The following TMTC2 variants were observed in gnomAD, a reference collection of about 807,000 sequenced individuals.
The protein encoded by TMTC2 is transmembrane O-mannosyltransferase targeting cadherins 2.
Under a neutral mutation model 82.4 loss-of-function variants are expected in TMTC2, and 43 were observed. That is an observed-to-expected ratio of 0.52 (90% CI 0.41 to 0.67). The LOEUF (loss-of-function observed/expected upper bound fraction) is 0.67, where lower values mean the gene tolerates loss of function less well. Ranked by LOEUF, TMTC2 falls within the 30% of genes least tolerant of loss-of-function variation. TMTC2 has a pLI of 0.00. For missense variants in TMTC2, 919 were observed against 1,012.4 expected (o/e 0.91, Z 1.25); for synonymous variants, 408 against 381.9 (o/e 1.07, Z -0.80).
intron 2 of TMTC2, among the ~76,000 whole-genome samples, chr12:82,895,199 C>G (rs1011347563): frequency 1.3e-5 from 2 of 151,976 alleles, no homozygotes; most frequent in Admixed American, 1.3e-4. Flanking sequence ...TTGGATGCCA[C>G]TGATATCAGT....
chr12:83,060,228 A>T (rs773515465), intron 10 of TMTC2, among the ~76,000 whole-genome samples: 10 of 151,786 alleles, frequency 6.6e-5, no homozygotes, highest in Non-Finnish European at 1.3e-4. Flanking sequence ...AACCTCTATT[A>T]AAAATAGCAG....
intron 9 of TMTC2, among the ~76,000 whole-genome samples, chr12:83,043,666 C>T (rs1425254246): frequency 6.6e-6 from 1 of 152,188 alleles, no homozygotes; most frequent in Non-Finnish European, 1.5e-5. Flanking sequence ...GAAACTATCT[C>T]TGTAATCTCC....
chr12:82,804,339 A>C (rs1293538858), intron 1 of TMTC2, among the ~76,000 whole-genome samples: 1 of 152,124 alleles, frequency 6.6e-6, no homozygotes, highest in Non-Finnish European at 1.5e-5. Context: ...AGTGTTCAGA[A>C]AGTGGAGACT....
At chr12:82,970,686 T>C (rs143817660) in intron 7 of TMTC2, among the ~76,000 whole-genome samples, 268 of 152,352 alleles carry the variant, frequency 1.8e-3, no homozygotes, top group African/African-American at 5.8e-3. Context: ...ACTGTTTTTG[T>C]ATTTAGCAAT....
chr12:83,009,644 C>CA (rs77878496), intron 8 of TMTC2, among the ~76,000 whole-genome samples: 1 of 152,130 alleles, frequency 6.6e-6, no homozygotes, highest in Non-Finnish European at 1.5e-5. Context: ...CTTTTTCCCC[C>CA]AAAAAAACAC....
intron 3 of TMTC2, among the ~76,000 whole-genome samples, chr12:82,910,110 C>T (rs1367689176): frequency 6.6e-6 from 1 of 152,062 alleles, no homozygotes; most frequent in East Asian, 1.9e-4. Context: ...GCACTGGTGC[C>T]TATTTCTGGT....
chr12:83,078,596 A>G (rs370799938), intron 11 of TMTC2, among the ~76,000 whole-genome samples: 1 of 152,194 alleles, frequency 6.6e-6, no homozygotes, highest in African/African-American at 2.4e-5. Context: ...CAGTATTCAT[A>G]GTTTTGTAAG....
At chr12:82,864,425 A>G (rs1443996855) in intron 2 of TMTC2, among the ~76,000 whole-genome samples, 1 of 150,570 alleles carries the variant, frequency 6.6e-6, no homozygotes, top group Admixed American at 6.6e-5. Context: ...TCCTTTGGTG[A>G]TGAACTGAAA....
At chr12:82,892,288 T>G (rs953171928) in intron 2 of TMTC2, among the ~76,000 whole-genome samples, 11 of 152,210 alleles carry the variant, frequency 7.2e-5, no homozygotes, top group African/African-American at 2.7e-4. Flanking sequence ...TGTTTTCTTG[T>G]TTTTATGTCA....
chr12:83,132,390 C>T lies in TMTC2; in HGVS notation c.*1C>T. 6.2e-7 allele frequency: 1 copy of T among 1,613,052 alleles called. No individual in the cohort carries two copies. Among genetic ancestry groups the T allele is most frequent in the Non-Finnish European group, 8.5e-7 (1 of 1,179,664 alleles). ...AGGCTTAAAGACTTCTAAGACCTGA[C>T]ACAGGAGGCAGAAGCCCATCCTCCT... On this transcript the variant is annotated 3_prime_UTR_variant, in exon 12 of 12. Coordinates refer to ENST00000321196, the MANE Select transcript of TMTC2 (RefSeq NM_152588.3).
intron 1 of TMTC2, among the ~76,000 whole-genome samples, chr12:82,798,559 G>A (rs900948192): frequency 1.3e-4 from 20 of 149,376 alleles, no homozygotes; most frequent in South Asian, 2.1e-4. Flanking sequence ...TAATCCCAGC[G>A]CTTTGGGAGG....
intron 8 of TMTC2, among the ~76,000 whole-genome samples, chr12:82,996,593 T>G (rs1432488758): frequency 6.6e-6 from 1 of 152,218 alleles, no homozygotes; most frequent in Non-Finnish European, 1.5e-5. Context: ...AAGACCTCAA[T>G]ATGCAGAATG....
In TMTC2 at chr12:82,749,608, C is replaced by T. The variant is rs569679555; in HGVS notation, c.83+61939C>T. ...CCAGGTGGGCTCCTATTCTCTTGGT[C>T]TCTTGCAGCCTTACTTGTTCTGTGG... On this transcript the variant is annotated intron_variant, in intron 1 of 11. Coordinates refer to ENST00000321196, the MANE Select transcript of TMTC2 (RefSeq NM_152588.3). Among the ~76,000 whole-genome samples the T allele has an allele frequency of 9.2e-4, 140 of 152,216 alleles. 1 individual carries two copies. The highest frequency in any genetic ancestry group is 3.3e-3 in the African/African-American group (137 of 41,528).
intron 3 of TMTC2, among the ~76,000 whole-genome samples, chr12:82,928,989 G>A (rs1391957110): frequency 1.3e-5 from 2 of 152,154 alleles, no homozygotes; most frequent in Non-Finnish European, 2.9e-5. Flanking sequence ...ATTGTAAAGA[G>A]TATCAAACAC....
intron 4 of TMTC2, among the ~76,000 whole-genome samples, chr12:82,931,865 C>G (rs1876049915): frequency 6.6e-6 from 1 of 152,132 alleles, no homozygotes; most frequent in Non-Finnish European, 1.5e-5. Flanking sequence ...GACCCTCCTG[C>G]AGTTCTGTGC....
At chr12:82,754,934 A>G (rs866222368) in intron 1 of TMTC2, among the ~76,000 whole-genome samples, 3 of 152,228 alleles carry the variant, frequency 2.0e-5, no homozygotes, top group Non-Finnish European at 2.9e-5. Flanking sequence ...AATGAACTGT[A>G]GAAAGCATCT....
intron 1 of TMTC2, among the ~76,000 whole-genome samples, chr12:82,709,474 A>G (rs1373702360): frequency 6.6e-6 from 1 of 152,216 alleles, no homozygotes; most frequent in Non-Finnish European, 1.5e-5. Flanking sequence ...TGTGAAATGA[A>G]ATTGTAAGTC....
chr12:82,809,043 T>C (rs1445920610), intron 1 of TMTC2, among the ~76,000 whole-genome samples: 2 of 150,154 alleles, frequency 1.3e-5, no homozygotes, highest in East Asian at 3.9e-4. Context: ...TGACTTTTTA[T>C]TCTGAGTGAA....
chr12:82,718,455 G>C (rs1873999564), intron 1 of TMTC2, among the ~76,000 whole-genome samples: 1 of 152,154 alleles, frequency 6.6e-6, no homozygotes. Flanking sequence ...AGAAAGGGAA[G>C]CTGCAGAAGC....
Sources: allele counts gnomAD v4.1 joint callset (sites outside exome capture counted in the v4.1 genomes callset), GRCh38; gene constraint gnomAD v4.1.1; transcripts MANE v1.5; gene names NCBI Gene and HGNC (gene_info 2026-07-23, HGNC 2026-07-21).